Variants in P2RY14 observed in about 807,000 individuals in gnomAD.
P2RY14 encodes P2Y purinoceptor 14.
P2RY14 carries 2 observed loss-of-function variants against 0.9 expected under a neutral mutation model. The observed-to-expected ratio is 2.16, with a 90% CI of 0.88 to 6.79. The LOEUF is 6.79. Among genes scored for constraint, P2RY14 ranks in the 30% most tolerant of loss-of-function variants. P2RY14 has a pLI of 0.05. For synonymous variants in P2RY14, 158 were observed against 147.2 expected (o/e 1.07, Z -0.53); for missense variants, 378 against 400.1 (o/e 0.94, Z 0.47).
At chr3:151,247,050 A>C (rs1477938130) in intron 1 of P2RY14, among the ~76,000 whole-genome samples, 2 of 152,236 alleles carry the variant, frequency 1.3e-5, no homozygotes, top group Admixed American at 1.3e-4. Flanking sequence ...ATGCAAACCA[A>C]AACCACAAGA....
chr3:151,222,775 T>C (rs969937919), intron 1 of P2RY14, among the ~76,000 whole-genome samples: 14 of 152,332 alleles, frequency 9.2e-5, no homozygotes, highest in East Asian at 1.9e-4. Context: ...ATCATTTTTT[T>C]CCCCCAGATC....
intron 1 of P2RY14, among the ~76,000 whole-genome samples, chr3:151,247,774 C>CA (rs149547852): frequency 0.3 from 43,182 of 141,864 alleles, 6,309 homozygotes; most frequent in Non-Finnish European, 0.32. Context: ...AAAAAAAAAG[C>CA]AAAAAAAAAA....
intron 1 of P2RY14, among the ~76,000 whole-genome samples, chr3:151,242,262 G>T (rs556562293): frequency 2.6e-5 from 4 of 152,362 alleles, no homozygotes; most frequent in Middle Eastern, 3.4e-3. Flanking sequence ...CAAACTGGGC[G>T]GAGCCCACCA....
chr3:151,261,188 C>A (rs966161399), intron 1 of P2RY14, among the ~76,000 whole-genome samples: 2 of 151,922 alleles, frequency 1.3e-5, no homozygotes, highest in African/African-American at 4.8e-5. Flanking sequence ...TTTGGAAATG[C>A]CCATGAATGA....
chr3:151,228,744 C>T (rs1056631944), intron 1 of P2RY14, among the ~76,000 whole-genome samples: 1 of 152,210 alleles, frequency 6.6e-6, no homozygotes, highest in Non-Finnish European at 1.5e-5. Flanking sequence ...TGGCACAAAG[C>T]TCTGCATCAC....
At chr3:151,248,326 G>T (rs539189844) in intron 1 of P2RY14, among the ~76,000 whole-genome samples, 291 of 152,174 alleles carry the variant, frequency 1.9e-3, no homozygotes, top group Non-Finnish European at 3.3e-3. Flanking sequence ...AGTGACCCAT[G>T]CATTTAATAT....
intron 1 of P2RY14, among the ~76,000 whole-genome samples, chr3:151,248,492 A>G (rs1228141866): frequency 6.6e-6 from 1 of 152,112 alleles, no homozygotes; most frequent in Non-Finnish European, 1.5e-5. Context: ...CTTTGCCCTG[A>G]GATTATATAT....
chr3:151,250,345 C>T (rs1559938878), intron 1 of P2RY14, among the ~76,000 whole-genome samples: 1 of 152,192 alleles, frequency 6.6e-6, no homozygotes, highest in African/African-American at 2.4e-5. Flanking sequence ...ATTACATTCA[C>T]ATTGTTGTGT....
At chr3:151,237,111 G>A (rs573077788) in intron 1 of P2RY14, among the ~76,000 whole-genome samples, 382 of 145,016 alleles carry the variant, frequency 2.6e-3, no homozygotes, top group Non-Finnish European at 4.7e-3. Flanking sequence ...TACCAGTCTC[G>A]GCTAACTGCA....
In P2RY14 at chr3:151,278,434, G is replaced by A. The variant is rs965943238; in HGVS notation, c.-280C>T. On this transcript the variant is annotated 5_prime_UTR_variant, in exon 1 of 3. Transcript: ENST00000309170. The stretch of plus-strand genomic sequence containing the variant: ...GGAACTTGACAGAAACCACAAGATA[G>A]TGGGTCCCTCTGCTGCTGTTGTCAG... 3.3e-5 allele frequency: 5 copies of A among 152,210 alleles called. No homozygotes were observed. The highest frequency in any genetic ancestry group is 2.0e-4 in the Admixed American group (3 of 15,278). 9.4% of individuals were successfully genotyped at this position (152,210 alleles called of 1,614,324 possible).
At chr3:151,225,736 G>C (rs2149293128) in intron 1 of P2RY14, among the ~76,000 whole-genome samples, 1 of 152,192 alleles carries the variant, frequency 6.6e-6, no homozygotes, top group African/African-American at 2.4e-5. Context: ...CCAGAAGAAG[G>C]AACTCTCCCA....
intron 1 of P2RY14, among the ~76,000 whole-genome samples, chr3:151,228,465 CTTT>C (rs1559905803): frequency 6.6e-6 from 1 of 152,008 alleles, no homozygotes; most frequent in Non-Finnish European, 1.5e-5. Flanking sequence ...TTCCCCTCTT[CTTT>C]AAGTTGATTT....
chr3:151,246,128 A>T (rs983860495), intron 1 of P2RY14, among the ~76,000 whole-genome samples: 1 of 152,164 alleles, frequency 6.6e-6, no homozygotes, highest in African/African-American at 2.4e-5. Context: ...AGAGGATACA[A>T]ACAAATGGAA....
At chr3:151,230,840 A>C (rs563113651) in intron 1 of P2RY14, among the ~76,000 whole-genome samples, 3 of 152,212 alleles carry the variant, frequency 2.0e-5, no homozygotes, top group Non-Finnish European at 2.9e-5. Flanking sequence ...GTGACTTCCC[A>C]CTGTCAGTGA....
At chr3:151,215,416 T>C (rs1019206207) in intron 2 of P2RY14, among the ~76,000 whole-genome samples, 33 of 152,040 alleles carry the variant, frequency 2.2e-4, no homozygotes, top group African/African-American at 8.0e-4. Context: ...GAAGTAATAT[T>C]CTACAAATGC....
At chr3:151,219,456 A>G (rs1559893490) in intron 2 of P2RY14, 79 bp downstream of exon 2, 1 of 152,232 alleles carries the variant, frequency 6.6e-6, no homozygotes, top group Non-Finnish European at 1.5e-5. Flanking sequence ...CCTTCTGTGA[A>G]GAAAAGAATT....
chr3:151,238,269 C>T (rs1279745283), intron 1 of P2RY14, among the ~76,000 whole-genome samples: 1 of 152,190 alleles, frequency 6.6e-6, no homozygotes, highest in East Asian at 1.9e-4. Flanking sequence ...GTCCCAGCCT[C>T]CCAAGTAGCT....
At chr3:151,259,345 G>T (rs1738440106) in intron 1 of P2RY14, among the ~76,000 whole-genome samples, 1 of 152,132 alleles carries the variant, frequency 6.6e-6, no homozygotes, top group African/African-American at 2.4e-5. Context: ...CTGATCTGAG[G>T]TACAGAACCC....
chr3:151,231,205 G>A (rs977350334), intron 1 of P2RY14, among the ~76,000 whole-genome samples: 1 of 152,230 alleles, frequency 6.6e-6, no homozygotes, highest in Non-Finnish European at 1.5e-5. Flanking sequence ...ATGCTGGCTA[G>A]TAAAGGTAGA....
Sources: allele counts gnomAD v4.1 joint callset (sites outside exome capture counted in the v4.1 genomes callset), GRCh38; gene constraint gnomAD v4.1.1; transcripts MANE v1.5; gene names NCBI Gene and HGNC (gene_info 2026-07-23, HGNC 2026-07-21).